SLCO3A1: variants seen among roughly 807,000 people sequenced by gnomAD.
SLCO3A1 encodes the protein PGE1 transporter.
Under a neutral mutation model 63.1 loss-of-function variants are expected in SLCO3A1, and 27 were observed. The observed-to-expected ratio is 0.43, with a 90% confidence interval of 0.32 to 0.59. The LOEUF (loss-of-function observed/expected upper bound fraction) is 0.59, where lower values mean the gene tolerates loss of function less well. Among genes scored for constraint, SLCO3A1 ranks in the 20% least tolerant of loss-of-function variants. The probability of loss-of-function intolerance (pLI) is 0.09; values close to 1 mark genes in which losing one functional copy is unlikely to be tolerated. For synonymous variants in SLCO3A1, 473 were observed against 409.9 expected (o/e 1.15, Z -1.86); for missense variants, 773 against 945.8 (o/e 0.82, Z 2.40).
At chr15:91,961,951 T>G (rs1018369298) in intron 2 of SLCO3A1, among the ~76,000 whole-genome samples, 3 of 152,182 alleles carry the variant, frequency 2.0e-5, no homozygotes, top group Non-Finnish European at 4.4e-5. Context: ...GGTATTATAA[T>G]TCCCATCATG....
At position 91,854,581 on chromosome 15, in the gene SLCO3A1, C is replaced by G. The variant is rs1896864783; in HGVS notation, c.180+493C>G. On this transcript the variant is annotated intron_variant, in intron 1 of 9. Transcript: ENST00000318445. The surrounding 1 kb of genome is among the most constrained non-coding windows in gnomAD (Gnocchi z 6.4). ...TTCTCCGGGCGCTTTCTACATCCGC[C>G]AATTACAGGGGGATATAACAGCTTA... Among the ~76,000 whole-genome samples, 1 of 152,112 alleles carries G rather than the reference C, an allele frequency of 6.6e-6. No homozygotes were observed. Among genetic ancestry groups the G allele is most frequent in the Non-Finnish European group, 1.5e-5 (1 of 68,018 alleles).
chr15:91,945,341 CAA>C (rs146934068), intron 2 of SLCO3A1, among the ~76,000 whole-genome samples: 6 of 137,068 alleles, frequency 4.4e-5, no homozygotes, highest in Admixed American at 7.4e-5. Context: ...GACTCCATCT[CAA>C]AAAAAAAAAA....
At position 92,023,437 on chromosome 15, in the gene SLCO3A1, AGTATT is replaced by A. The variant is rs1479727318; in HGVS notation, c.647-71442_647-71438del. On this transcript the variant is annotated intron_variant, in intron 2 of 9. Transcript: ENST00000318445. The stretch of plus-strand genomic sequence containing the variant: ...GAGAAGAAAACTGGAGCTTTCAGAA[AGTATT>A]GCTATTAAAAGGTGAGGTTGAATTT... Among the ~76,000 whole-genome samples, 18 of 152,112 alleles carry A rather than the reference AGTATT, an allele frequency of 1.2e-4. No individual in the cohort carries two copies. The East Asian group carries it at 3.5e-3, about 29-fold the overall frequency.
chr15:92,082,280 G>C (rs775944465), intron 2 of SLCO3A1, among the ~76,000 whole-genome samples: 1 of 152,188 alleles, frequency 6.6e-6, no homozygotes, highest in Non-Finnish European at 1.5e-5. Flanking sequence ...GGAGAACTTT[G>C]AGCCTGCAGA....
In SLCO3A1 at chr15:91,897,141, T is replaced by C. The variant is rs184056647; in HGVS notation, c.181-18852T>C. Among the ~76,000 whole-genome samples the C allele has an allele frequency of 9.2e-5, 14 of 152,318 alleles. No individual in the cohort carries two copies. The East Asian group carries it at 2.5e-3, about 27-fold the overall frequency. Reference sequence around the variant, plus strand: ...GTTCCTACCACACTATTTGCCATTGTCTATACAATTGTTGCTTTTAAAATA... The same window carrying C: ...GTTCCTACCACACTATTTGCCATTGCCTATACAATTGTTGCTTTTAAAATA... On this transcript the variant is annotated intron_variant, in intron 1 of 9. Transcript: ENST00000318445. This position sits in a 1 kb window ranked among gnomAD's most constrained non-coding sequence, Gnocchi z 4.7.
rs144809465 is a variant in SLCO3A1 at position 91,977,382 on chromosome 15, C to T, written c.646+60924C>T. Among the ~76,000 whole-genome samples, 522 of 152,130 alleles carry T rather than the reference C, an allele frequency of 3.4e-3. 3 individuals carry two copies. Among genetic ancestry groups the T allele is most frequent in the African/African-American group, 0.012 (509 of 41,464 alleles). On this transcript the variant is annotated intron_variant, in intron 2 of 9. Coordinates refer to ENST00000318445, the MANE Select transcript of SLCO3A1 (RefSeq NM_013272.4). ...GATGTTGTGATACGTTCCAAGTTGT[C>T]GGTAACACACTTAGAGGTGATATCT...
intron 9 of SLCO3A1, among the ~76,000 whole-genome samples, chr15:92,161,325 A>G (rs2048434010): frequency 6.6e-6 from 1 of 152,194 alleles, no homozygotes; most frequent in Non-Finnish European, 1.5e-5. Flanking sequence ...TGTGCTGCAC[A>G]CCAAATGCTC....
At chr15:92,159,440 A>T (rs1031416620) in intron 9 of SLCO3A1, among the ~76,000 whole-genome samples, 1 of 151,910 alleles carries the variant, frequency 6.6e-6, no homozygotes, top group South Asian at 2.1e-4. Context: ...AGCCGAGATC[A>T]TGCCACTGCA....
rs575353374 is a variant in SLCO3A1, at chr15:91,985,614, G to A, written c.646+69156G>A. Among the ~76,000 whole-genome samples the A allele has an allele frequency of 1.8e-4, 27 of 152,306 alleles. No homozygotes were observed. The East Asian group carries it at 3.7e-3, about 21-fold the overall frequency. On this transcript the variant is annotated intron_variant, in intron 2 of 9. Coordinates refer to ENST00000318445, the MANE Select transcript of SLCO3A1 (RefSeq NM_013272.4). Reference sequence around the variant, plus strand: ...CTCACCAACACTTGGTATTAGTGTCGTCTTTTTAGCTTTAGCTGTTCTGGT... The same window carrying A: ...CTCACCAACACTTGGTATTAGTGTCATCTTTTTAGCTTTAGCTGTTCTGGT...
At chr15:91,984,191 G>T (rs2046022016) in intron 2 of SLCO3A1, among the ~76,000 whole-genome samples, 1 of 152,162 alleles carries the variant, frequency 6.6e-6, no homozygotes, top group South Asian at 2.1e-4. Context: ...CCACCTCTTT[G>T]TTGGCCTTTT....
intron 1 of SLCO3A1, among the ~76,000 whole-genome samples, chr15:91,888,695 G>A (rs8035436): frequency 0.34 from 52,391 of 152,028 alleles, 12,812 homozygotes; most frequent in African/African-American, 0.68. Context: ...AATGTTAGCA[G>A]TAGCTGGCTG....
At chr15:91,998,793 A>G (rs926088382) in intron 2 of SLCO3A1, among the ~76,000 whole-genome samples, 1 of 152,270 alleles carries the variant, frequency 6.6e-6, no homozygotes, top group African/African-American at 2.4e-5. Flanking sequence ...TACTGGGTAC[A>G]TATCCAAAAG....
intron 4 of SLCO3A1, among the ~76,000 whole-genome samples, chr15:92,114,307 A>C (rs1454952986): frequency 6.6e-6 from 1 of 152,210 alleles, no homozygotes; most frequent in Non-Finnish European, 1.5e-5. Context: ...AAAGCTTTGC[A>C]ATTCATTCAT....
At chr15:91,952,713 C>A (rs760557281) in intron 2 of SLCO3A1, among the ~76,000 whole-genome samples, 1 of 152,194 alleles carries the variant, frequency 6.6e-6, no homozygotes, top group Non-Finnish European at 1.5e-5. Flanking sequence ...TAGGGTGACT[C>A]TGCAGAGCCC....
intron 2 of SLCO3A1, among the ~76,000 whole-genome samples, chr15:92,024,125 T>G (rs2046542368): frequency 1.3e-5 from 2 of 152,194 alleles, no homozygotes; most frequent in African/African-American, 2.4e-5. Flanking sequence ...TGCAAAACTG[T>G]GGACATAGCA....
chr15:92,043,723 T>C (rs750137987), intron 2 of SLCO3A1, among the ~76,000 whole-genome samples: 39 of 152,240 alleles, frequency 2.6e-4, no homozygotes, highest in Non-Finnish European at 4.7e-4. Flanking sequence ...TTCCACATAA[T>C]GACAACCACT....
intron 1 of SLCO3A1, among the ~76,000 whole-genome samples, chr15:91,904,867 A>G (rs1898255658): frequency 6.6e-6 from 1 of 152,180 alleles, no homozygotes; most frequent in East Asian, 1.9e-4. Context: ...AGAGGATATA[A>G]TTAGGTGGAA....
chr15:92,166,579 TC>T (rs2048494807), downstream of SLCO3A1, among the ~76,000 whole-genome samples: 1 of 152,156 alleles, frequency 6.6e-6, no homozygotes, highest in African/African-American at 2.4e-5. Flanking sequence ...TGGCAGGGCT[TC>T]CCAGCCCTTA....
rs567547184 is a variant in SLCO3A1, at chr15:92,005,392, A to G, written c.646+88934A>G. Among the ~76,000 whole-genome samples the G allele has an allele frequency of 2.0e-5, 3 of 152,336 alleles. No homozygotes were observed. The East Asian group carries it at 5.8e-4, about 29-fold the overall frequency. ...CTGATCGCTTCAAGAGCGTCTGGAA[A>G]GTTGATGGTCTATCTGTCACTGCGA... On this transcript the variant is annotated intron_variant, in intron 2 of 9. Coordinates refer to ENST00000318445, the MANE Select transcript of SLCO3A1 (RefSeq NM_013272.4).
Sources: allele counts gnomAD v4.1 joint callset (sites outside exome capture counted in the v4.1 genomes callset), GRCh38; gene constraint gnomAD v4.1.1; non-coding constraint Gnocchi (gnomAD v3.1); transcripts MANE v1.5; gene names NCBI Gene and HGNC (gene_info 2026-07-23, HGNC 2026-07-21).